DNAJC1: variants seen among roughly 807,000 people sequenced by gnomAD.
DNAJC1 encodes the protein dnaJ homolog subfamily C member 1.
A neutral mutation model predicts 76.6 loss-of-function variants in DNAJC1; 58 were observed. The observed-to-expected ratio is 0.76, with a 90% CI of 0.61 to 0.94. DNAJC1 has a LOEUF of 0.94. DNAJC1 is among the 40% of genes least tolerant of loss of function. The pLI is 0.00. For missense variants in DNAJC1, 689 were observed against 677.3 expected (o/e 1.02, Z -0.19); for synonymous variants, 258 against 267.9 (o/e 0.96, Z 0.36).
chr10:21,801,061 C>G (rs1469675497), intron 9 of DNAJC1, among the ~76,000 whole-genome samples: 2 of 152,108 alleles, frequency 1.3e-5, no homozygotes, highest in African/African-American at 4.8e-5. Flanking sequence ...GCAGTTTACT[C>G]AGCTGTAAAA....
intron 1 of DNAJC1, among the ~76,000 whole-genome samples, chr10:21,997,087 T>C (rs1010303213): frequency 6.6e-6 from 1 of 151,924 alleles, no homozygotes; most frequent in Non-Finnish European, 1.5e-5. Flanking sequence ...AGAGAAAGAC[T>C]GAACTACACT....
At chr10:21,878,632 T>C (rs1447760636) in intron 8 of DNAJC1, among the ~76,000 whole-genome samples, 1 of 152,202 alleles carries the variant, frequency 6.6e-6, no homozygotes, top group Non-Finnish European at 1.5e-5. Context: ...TTTTCAGTAT[T>C]TCTAGGCTAC....
intron 7 of DNAJC1, among the ~76,000 whole-genome samples, chr10:21,901,155 AT>A (rs1836645903): frequency 1.3e-5 from 2 of 152,276 alleles, no homozygotes; most frequent in South Asian, 4.1e-4. Flanking sequence ...GTTGGGAACT[AT>A]TTCTCCATAT....
chr10:21,986,649 T>G (rs575902639), intron 1 of DNAJC1, among the ~76,000 whole-genome samples: 1 of 152,324 alleles, frequency 6.6e-6, no homozygotes, highest in South Asian at 2.1e-4. Flanking sequence ...TAATCAATTT[T>G]TAGGTACTAA....
intron 9 of DNAJC1, among the ~76,000 whole-genome samples, chr10:21,798,823 A>G (rs1834777957): frequency 6.6e-6 from 1 of 152,184 alleles, no homozygotes; most frequent in Non-Finnish European, 1.5e-5. Flanking sequence ...CGTGGTTGCA[A>G]CTTAGTTGCA....
chr10:21,784,316 G>C (rs951353034), intron 9 of DNAJC1, among the ~76,000 whole-genome samples: 18 of 152,164 alleles, frequency 1.2e-4, no homozygotes, highest in African/African-American at 4.3e-4. Flanking sequence ...ATCATCACTG[G>C]CCATCAGAGA....
chr10:21,897,215 T>C (rs112967975), intron 7 of DNAJC1, among the ~76,000 whole-genome samples: 1 of 152,146 alleles, frequency 6.6e-6, no homozygotes, highest in Non-Finnish European at 1.5e-5. Flanking sequence ...TAGTAGCAAA[T>C]AGAATTCAGC....
intron 1 of DNAJC1, among the ~76,000 whole-genome samples, chr10:21,932,407 A>G (rs942460789): frequency 9.2e-5 from 14 of 152,224 alleles, no homozygotes; most frequent in African/African-American, 3.4e-4. Flanking sequence ...ATGCAATGGC[A>G]TGTCAGCAAA....
At chr10:21,902,214 TG>T (rs1836667487) in intron 7 of DNAJC1, among the ~76,000 whole-genome samples, 2 of 152,236 alleles carry the variant, frequency 1.3e-5, no homozygotes, top group African/African-American at 2.4e-5. Flanking sequence ...GATAAGCTAG[TG>T]ATGAATTTTC....
intron 6 of DNAJC1, among the ~76,000 whole-genome samples, chr10:21,913,282 G>A (rs1254551721): frequency 6.6e-6 from 1 of 151,990 alleles, no homozygotes; most frequent in African/African-American, 2.4e-5. Context: ...ATGAGTCAGA[G>A]AGAAACTTGA....
chr10:21,918,978 G>T (rs2131767473), intron 5 of DNAJC1, 106 bp from the exon 6 acceptor site: 2 of 730,556 alleles, frequency 2.7e-6, no homozygotes, highest in Non-Finnish European at 4.6e-6. Context: ...TTTGTGAATG[G>T]CTACTTCAAC....
intron 8 of DNAJC1, among the ~76,000 whole-genome samples, chr10:21,813,521 G>A (rs942042598): frequency 5.9e-5 from 9 of 151,372 alleles, no homozygotes; most frequent in African/African-American, 1.7e-4. Flanking sequence ...TCAGCCTCCC[G>A]AGTAGCTGGG....
intron 9 of DNAJC1, among the ~76,000 whole-genome samples, chr10:21,769,981 C>T (rs551784340): frequency 2.0e-5 from 3 of 152,210 alleles, no homozygotes; most frequent in Non-Finnish European, 2.9e-5. Context: ...CCACTGCGCC[C>T]GGCCTAAACT....
In DNAJC1 at chr10:21,812,466, A is replaced by G. The variant is rs142739728; in HGVS notation, c.979-6367T>C. 7.6e-4 allele frequency among the ~76,000 whole-genome samples: 115 copies of G among 152,240 alleles called. 2 individuals carry two copies. In the East Asian group the frequency reaches 0.017, roughly 23 times the overall value. On this transcript the variant is annotated intron_variant, in intron 8 of 11. Transcript: ENST00000376980. Reference sequence around the variant, plus strand: ...TTTGTTAATTGGTTGTCTTCTTATTAGTTTTAAGATTTTTTTATATTTTGT... The same window carrying G: ...TTTGTTAATTGGTTGTCTTCTTATTGGTTTTAAGATTTTTTTATATTTTGT...
intron 8 of DNAJC1, among the ~76,000 whole-genome samples, chr10:21,843,742 C>CT (rs1156943907): frequency 1.9e-3 from 268 of 137,814 alleles, no homozygotes; most frequent in Middle Eastern, 8.1e-3. Flanking sequence ...ATTTTACAAT[C>CT]TTTTTTTTTT....
At chr10:21,807,695 T>G (rs1834901347) in intron 8 of DNAJC1, among the ~76,000 whole-genome samples, 1 of 152,152 alleles carries the variant, frequency 6.6e-6, no homozygotes. Context: ...CATTCTATTT[T>G]GTATCCACTA....
At chr10:21,909,828 A>G (rs1836824548) in intron 6 of DNAJC1, among the ~76,000 whole-genome samples, 3 of 152,234 alleles carry the variant, frequency 2.0e-5, no homozygotes, top group Admixed American at 1.3e-4. Flanking sequence ...TGGTGAACAC[A>G]TCATTGCTCT....
intron 1 of DNAJC1, among the ~76,000 whole-genome samples, chr10:21,962,727 CT>C (rs1215838970): frequency 1.0e-4 from 15 of 149,374 alleles, no homozygotes; most frequent in Non-Finnish European, 2.1e-4. Context: ...CCTGGCCTGA[CT>C]TTTTTCGTGT....
In DNAJC1 at chr10:21,929,152, T is replaced by A. The variant is rs1488640406; in HGVS notation, c.223-11A>T. On this transcript the variant is annotated splice_polypyrimidine_tract_variant and intron_variant, in intron 1 of 11. Coordinates refer to ENST00000376980, the MANE Select transcript of DNAJC1 (RefSeq NM_022365.4). The stretch of plus-strand genomic sequence containing the variant: ...TGCAGATGATGCATCCTGGAGGTGG[T>A]AGGGGGAGGGGAAAATACAAAGCAA... 6.3e-7 allele frequency: 1 copy of A among 1,584,890 alleles called. No homozygotes were observed. The highest frequency in any genetic ancestry group is 1.1e-5 in the South Asian group (1 of 88,770).
Sources: allele counts gnomAD v4.1 joint callset (sites outside exome capture counted in the v4.1 genomes callset), GRCh38; gene constraint gnomAD v4.1.1; transcripts MANE v1.5; gene names NCBI Gene and HGNC (gene_info 2026-07-23, HGNC 2026-07-21).